The following CDKL3 variants were observed in gnomAD, a reference collection of about 807,000 sequenced individuals.
The protein encoded by CDKL3 is cyclin-dependent kinase-like 3.
Under a neutral mutation model 69.3 loss-of-function variants are expected in CDKL3, and 65 were observed. The ratio of observed to expected loss-of-function variants is 0.94; its 90% CI spans 0.77 to 1.15. CDKL3 has a LOEUF of 1.15. Ranked by LOEUF, CDKL3 falls within the 50% of genes most tolerant of loss-of-function variation. The probability of loss-of-function intolerance (pLI) is 0.00; values close to 1 mark genes in which losing one functional copy is unlikely to be tolerated. For synonymous variants in CDKL3, 202 were observed against 221.6 expected, an observed-to-expected ratio of 0.91 and a Z score of 0.79; for missense variants, 652 against 689.2, an observed-to-expected ratio of 0.95 and a Z score of 0.61.
chr5:134,357,481 A>G (rs1754907290), intron 3 of CDKL3, among the ~76,000 whole-genome samples: 1 of 150,682 alleles, frequency 6.6e-6, no homozygotes, highest in Non-Finnish European at 1.5e-5. Context: ...AAATACAAAA[A>G]TTAGCCGGGC....
chr5:134,299,179 ATCCT>A (rs1455084838), intron 12 of CDKL3, among the ~76,000 whole-genome samples: 2 of 152,038 alleles, frequency 1.3e-5, no homozygotes, highest in Non-Finnish European at 2.9e-5. Context: ...ACCAATTTCC[ATCCT>A]TTTAAACAAT....
Position 134,302,339 on chromosome 5 carries a change from C to T in CDKL3, c.1719+251G>A, listed in dbSNP as rs529121328. 4.5e-5 allele frequency: 21 copies of T among 462,000 alleles called. 1 individual carries two copies. The highest frequency in any genetic ancestry group is 2.4e-4 in the African/African-American group (12 of 50,492). The allele number at this position is 462,000 out of a possible 1,614,324, so 28.6% of individuals were successfully genotyped here. A position where few individuals can be genotyped will look rare whatever the true frequency, so the allele number is the denominator to read the frequency against. ...CTTACCTGCCTGATATCTGACACTA[C>T]ACACAATACAGATAATATTTTCCCT... On this transcript the variant is annotated intron_variant, in intron 12 of 12. Coordinates refer to ENST00000265334, the MANE Select transcript of CDKL3 (RefSeq NM_001113575.2).
intron 2 of CDKL3, among the ~76,000 whole-genome samples, chr5:134,363,957 T>TAAAAAAAAAA (rs1206131261): frequency 2.1e-5 from 2 of 96,430 alleles, no homozygotes; most frequent in African/African-American, 8.5e-5. Flanking sequence ...CTCCATTTCT[T>TAAAAAAAAAA]AAAAAAAAAA....
intron 3 of CDKL3, among the ~76,000 whole-genome samples, chr5:134,357,768 A>G (rs1390879976): frequency 6.6e-6 from 1 of 152,026 alleles, no homozygotes; most frequent in African/African-American, 2.4e-5. Flanking sequence ...TCTCCTTCCC[A>G]TTGCTACTTA....
chr5:134,331,139 T>C (rs572769597), intron 4 of CDKL3, among the ~76,000 whole-genome samples: 11 of 152,326 alleles, frequency 7.2e-5, no homozygotes, highest in Admixed American at 2.0e-4. Flanking sequence ...CTGAGATGTC[T>C]ATACTGTTGG....
chr5:134,342,959 C>CT (rs1394139090), intron 4 of CDKL3, among the ~76,000 whole-genome samples: 1 of 152,212 alleles, frequency 6.6e-6, no homozygotes, highest in African/African-American at 2.4e-5. Context: ...AATCCCAATG[C>CT]TTTGGGAGTC....
At chr5:134,334,377 T>A (rs1776543789) in intron 4 of CDKL3, among the ~76,000 whole-genome samples, 1 of 151,904 alleles carries the variant, frequency 6.6e-6, no homozygotes, top group Non-Finnish European at 1.5e-5. Flanking sequence ...TTTGCTCTTA[T>A]TTCTCTAGTT....
At chr5:134,295,963 CT>C (rs1765328564), downstream of CDKL3, among the ~76,000 whole-genome samples, 2 of 152,140 alleles carry the variant, frequency 1.3e-5, no homozygotes, top group African/African-American at 4.8e-5. Context: ...GTGGCACAAT[CT>C]CAGATCACTG....
At chr5:134,326,336 C>T (rs1774187846) in intron 4 of CDKL3, among the ~76,000 whole-genome samples, 1 of 152,002 alleles carries the variant, frequency 6.6e-6, no homozygotes, top group African/African-American at 2.4e-5. Flanking sequence ...AAAGGGATCC[C>T]CTATTTTCTG....
chr5:134,319,198 GC>G (rs1772043622), intron 6 of CDKL3, 159 bp downstream of exon 6: 1 of 481,198 alleles, frequency 2.1e-6, no homozygotes, highest in Non-Finnish European at 3.5e-6. Flanking sequence ...GGGCATGGTG[GC>G]AGGTGCCTGT....
chr5:134,341,258 G>A (rs924293787), intron 4 of CDKL3, among the ~76,000 whole-genome samples: 3 of 152,066 alleles, frequency 2.0e-5, no homozygotes, highest in East Asian at 1.9e-4. Flanking sequence ...ATGATTTCCC[G>A]ATAAGATTAG....
At chr5:134,314,063 G>A (rs989377659) in intron 6 of CDKL3, among the ~76,000 whole-genome samples, 3 of 152,096 alleles carry the variant, frequency 2.0e-5, no homozygotes, top group Admixed American at 6.6e-5. Flanking sequence ...AGAATTGCTT[G>A]AACCCGGGAG....
intron 7 of CDKL3, among the ~76,000 whole-genome samples, chr5:134,310,437 G>A (rs1183247996): frequency 1.3e-5 from 2 of 151,616 alleles, no homozygotes; most frequent in East Asian, 2.0e-4. Context: ...TGATCTGCCC[G>A]CCTCGGCCTC....
chr5:134,316,861 T>G (rs1039081660), intron 6 of CDKL3, among the ~76,000 whole-genome samples: 32 of 152,280 alleles, frequency 2.1e-4, no homozygotes, highest in African/African-American at 7.7e-4. Context: ...TAAATTTCTA[T>G]GCATCTACTT....
intron 4 of CDKL3, among the ~76,000 whole-genome samples, chr5:134,335,140 G>A (rs1478653548): frequency 6.9e-6 from 1 of 144,954 alleles, no homozygotes; most frequent in African/African-American, 2.5e-5. Flanking sequence ...TTCAACCTCT[G>A]CTTTTTTTTT....
intron 7 of CDKL3, among the ~76,000 whole-genome samples, chr5:134,311,674 T>C (rs1769561145): frequency 6.6e-6 from 1 of 152,228 alleles, no homozygotes; most frequent in Admixed American, 6.5e-5. Flanking sequence ...TGATTGCTTA[T>C]TTAATGTTAT....
chr5:134,319,330 CG>C, intron 6 of CDKL3, 27 bp downstream of exon 6: 3 of 1,474,580 alleles, frequency 2.0e-6, no homozygotes, highest in African/African-American at 1.5e-5. Context: ...ACTCTGTCTC[CG>C]GGGGAGGAAA....
intron 12 of CDKL3, among the ~76,000 whole-genome samples, chr5:134,299,154 G>C (rs1050064429): frequency 6.6e-6 from 1 of 152,178 alleles, no homozygotes; most frequent in African/African-American, 2.4e-5. Flanking sequence ...TTACAGGCGT[G>C]AGCCACCATG....
At chr5:134,298,019 G>A (rs755316673), downstream of CDKL3, among the ~76,000 whole-genome samples, 17 of 147,792 alleles carry the variant, frequency 1.2e-4, no homozygotes, top group Admixed American at 2.0e-4. Context: ...CTGCAACCTT[G>A]GCCTCCCGGA....
Sources: allele counts gnomAD v4.1 joint callset (sites outside exome capture counted in the v4.1 genomes callset), GRCh38; gene constraint gnomAD v4.1.1; transcripts MANE v1.5; gene names NCBI Gene and HGNC (gene_info 2026-07-23, HGNC 2026-07-21).